PRKCA: variants seen among roughly 807,000 people sequenced by gnomAD.
PRKCA encodes protein kinase C alpha type.
In PRKCA, 27 loss-of-function variants were observed where a neutral mutation model predicts 87.0. The ratio of observed to expected loss-of-function variants is 0.31; its 90% CI spans 0.23 to 0.43. PRKCA has a LOEUF of 0.43. Among genes scored for constraint, PRKCA ranks in the 20% least tolerant of loss-of-function variants. The pLI, the probability that PRKCA is intolerant of heterozygous loss-of-function variation, is 1.00. For synonymous variants in PRKCA, 329 were observed against 311.1 expected, an observed-to-expected ratio of 1.06 and a Z score of -0.61; for missense variants, 518 against 852.3, an observed-to-expected ratio of 0.61 and a Z score of 4.88.
At chr17:66,420,640 T>C (rs1045077903) in intron 2 of PRKCA, among the ~76,000 whole-genome samples, 2 of 151,924 alleles carry the variant, frequency 1.3e-5, no homozygotes, top group African/African-American at 4.8e-5. Context: ...TACGATATGG[T>C]GTTAGGTGTA....
At chr17:66,313,913 A>G (rs1259660575) in intron 2 of PRKCA, among the ~76,000 whole-genome samples, 1 of 152,200 alleles carries the variant, frequency 6.6e-6, no homozygotes, top group Non-Finnish European at 1.5e-5. Flanking sequence ...GGTGATTAGA[A>G]TCACTTTCAA....
intron 3 of PRKCA, among the ~76,000 whole-genome samples, chr17:66,571,210 C>T (rs895699409): frequency 1.3e-5 from 2 of 152,176 alleles, no homozygotes; most frequent in Admixed American, 6.5e-5. Flanking sequence ...TAGTGTTTTC[C>T]CATTCCTAAT....
At chr17:66,388,799 C>G (rs8079628) in intron 2 of PRKCA, among the ~76,000 whole-genome samples, 120,462 of 152,042 alleles carry the variant, frequency 0.79, 48,204 homozygotes, top group South Asian at 0.87. Context: ...CGTGGAGAGA[C>G]GGCACTTGTG....
intron 1 of PRKCA, among the ~76,000 whole-genome samples, chr17:66,304,956 G>A (rs571607211): frequency 6.6e-6 from 1 of 152,262 alleles, no homozygotes; most frequent in African/African-American, 2.4e-5. Context: ...AGTTAGAAAG[G>A]GACTTGCAGC....
intron 5 of PRKCA, among the ~76,000 whole-genome samples, chr17:66,655,006 C>CA (rs762687190): frequency 5.9e-5 from 9 of 152,234 alleles, no homozygotes; most frequent in African/African-American, 1.2e-4. Context: ...ATCCTGCTCT[C>CA]ACGTTCTCAC....
Position 66,641,416 on chromosome 17 carries a change from A to G in PRKCA, c.350A>G (p.His117Arg), listed in dbSNP as rs879027569. Reference protein sequence around the residue: ...HTYGSPTFCDHCGSLLYGLIH... With the variant: ...HTYGSPTFCDRCGSLLYGLIH... The stretch of plus-strand genomic sequence containing the variant: ...TACGGAAGCCCCACCTTCTGCGATC[A>G]CTGTGGGTCACTGCTCTATGGACTT... Residue 117 changes from histidine (H) to arginine (R), a missense_variant, in exon 4 of 17, where the codon CAC (histidine) becomes CGC (arginine). This residue lies in a region of PRKCA where 300 missense variants were observed against 496.8 expected (regional missense o/e 0.60). Coordinates refer to ENST00000413366, the MANE Select transcript of PRKCA (RefSeq NM_002737.3). The G allele has an allele frequency of 6.2e-7, 1 of 1,612,354 alleles. No homozygotes were observed. Among genetic ancestry groups the G allele is most frequent in the Non-Finnish European group, 8.5e-7 (1 of 1,179,070 alleles).
At chr17:66,658,248 G>A (rs1326978581) in intron 5 of PRKCA, among the ~76,000 whole-genome samples, 1 of 152,156 alleles carries the variant, frequency 6.6e-6, no homozygotes, top group Non-Finnish European at 1.5e-5. Flanking sequence ...GGGAGGTCAA[G>A]GTGGGCAGAT....
chr17:66,617,158 G>A (rs1970540401), intron 3 of PRKCA, among the ~76,000 whole-genome samples: 1 of 152,162 alleles, frequency 6.6e-6, no homozygotes, highest in African/African-American at 2.4e-5. Context: ...CACATGTTCA[G>A]GGAACTGTTT....
chr17:66,612,417 CAA>C (rs1050468169), intron 3 of PRKCA, among the ~76,000 whole-genome samples: 7 of 126,640 alleles, frequency 5.5e-5, no homozygotes, highest in African/African-American at 2.1e-4. Context: ...GAAAAAATAA[CAA>C]ATATTTTAAA....
At chr17:66,336,646 T>G (rs1252259679) in intron 2 of PRKCA, among the ~76,000 whole-genome samples, 1 of 131,980 alleles carries the variant, frequency 7.6e-6, no homozygotes, top group Non-Finnish European at 1.5e-5. Flanking sequence ...ATATAGTAAA[T>G]TATTAAACAT....
chr17:66,350,455 A>T (rs748042753), intron 2 of PRKCA, among the ~76,000 whole-genome samples: 2 of 152,192 alleles, frequency 1.3e-5, no homozygotes, highest in Non-Finnish European at 2.9e-5. Flanking sequence ...ATGGAAATAA[A>T]AATCTAAAAT....
intron 3 of PRKCA, among the ~76,000 whole-genome samples, chr17:66,520,578 C>G (rs1430837885): frequency 6.6e-6 from 1 of 152,180 alleles, no homozygotes; most frequent in Non-Finnish European, 1.5e-5. Flanking sequence ...ACTTTGAATG[C>G]ACAGTTTGTA....
At chr17:66,342,882 A>T (rs1313400015) in intron 2 of PRKCA, among the ~76,000 whole-genome samples, 3 of 152,188 alleles carry the variant, frequency 2.0e-5, no homozygotes, top group Non-Finnish European at 4.4e-5. Flanking sequence ...TTTCATAAAG[A>T]TTACTTGTCA....
intron 2 of PRKCA, among the ~76,000 whole-genome samples, chr17:66,437,274 A>G (rs1323941696): frequency 2.0e-5 from 3 of 152,042 alleles, no homozygotes; most frequent in Admixed American, 2.0e-4. Context: ...TGGTGGAGAA[A>G]TCTGGATCCA....
chr17:66,442,868 G>A (rs1230476367), intron 2 of PRKCA, among the ~76,000 whole-genome samples: 1 of 152,172 alleles, frequency 6.6e-6, no homozygotes, highest in Non-Finnish European at 1.5e-5. Context: ...TTCCAGAATT[G>A]AGTGGTTATG....
chr17:66,482,079 C>T (rs138617950), intron 2 of PRKCA, among the ~76,000 whole-genome samples: 4,014 of 114,750 alleles, frequency 0.035, 54 homozygotes, highest in Admixed American at 0.049. Context: ...CCAGCCTGGG[C>T]GACAGAGCAA....
chr17:66,794,370 C>T (rs1263886824), intron 16 of PRKCA, among the ~76,000 whole-genome samples: 1 of 152,106 alleles, frequency 6.6e-6, no homozygotes, highest in Non-Finnish European at 1.5e-5. Flanking sequence ...TTCCCAGTCA[C>T]CACAAAGTCC....
chr17:66,462,961 CACACAT>C (rs1315092571), intron 2 of PRKCA, among the ~76,000 whole-genome samples: 1 of 120,988 alleles, frequency 8.3e-6, no homozygotes, highest in African/African-American at 3.7e-5. Context: ...CACACACACA[CACACAT>C]TTATGAGTCA....
intron 2 of PRKCA, among the ~76,000 whole-genome samples, chr17:66,338,453 T>C (rs1471140495): frequency 6.6e-6 from 1 of 152,178 alleles, no homozygotes; most frequent in African/African-American, 2.4e-5. Flanking sequence ...GAGGAAAGGC[T>C]GGCACGGGGA....
Sources: allele counts gnomAD v4.1 joint callset (sites outside exome capture counted in the v4.1 genomes callset), GRCh38; gene constraint gnomAD v4.1.1; regional missense constraint gnomAD v4.1.1; transcripts MANE v1.5; gene names NCBI Gene and HGNC (gene_info 2026-07-23, HGNC 2026-07-21).